Variants in ADGRB3 observed in about 807,000 individuals in gnomAD.
The protein encoded by ADGRB3 is adhesion G protein-coupled receptor B3.
In ADGRB3, 37 loss-of-function variants were observed where a neutral mutation model predicts 193.4. The ratio of observed to expected loss-of-function variants is 0.19; its 90% confidence interval spans 0.15 to 0.25. The LOEUF is 0.25. Among genes scored for constraint, ADGRB3 ranks in the 10% least tolerant of loss-of-function variants. ADGRB3 has a pLI of 1.00. For missense variants in ADGRB3, 1,637 were observed against 1,852.9 expected (o/e 0.88, Z 2.14); for synonymous variants, 690 against 644.2 (o/e 1.07, Z -1.08).
At chr6:68,744,776 T>C (rs1766050118) in intron 3 of ADGRB3, among the ~76,000 whole-genome samples, 1 of 152,066 alleles carries the variant, frequency 6.6e-6, no homozygotes, top group Non-Finnish European at 1.5e-5. Flanking sequence ...TTAGGAGAAA[T>C]GCCTAATGTA....
intron 8 of ADGRB3, among the ~76,000 whole-genome samples, chr6:68,973,126 GAGGACTATCTTAAACAATTCA>G (rs1768636830): frequency 1.3e-5 from 2 of 152,198 alleles, no homozygotes; most frequent in Admixed American, 1.3e-4. Flanking sequence ...CTCAGAGGGA[GAGGACTATCTTAAACAATTCA>G]AGGTCATGAA....
At chr6:68,789,943 A>G (rs937430491) in intron 3 of ADGRB3, among the ~76,000 whole-genome samples, 8 of 152,176 alleles carry the variant, frequency 5.3e-5, no homozygotes, top group East Asian at 1.9e-4. Flanking sequence ...AGTTGATCGC[A>G]TCGGCTATTG....
At chr6:68,952,306 C>T (rs988100370) in intron 6 of ADGRB3, among the ~76,000 whole-genome samples, 5 of 151,868 alleles carry the variant, frequency 3.3e-5, no homozygotes, top group Admixed American at 6.6e-5. Flanking sequence ...ATATTTGACA[C>T]TAAAAATTAT....
intron 20 of ADGRB3, among the ~76,000 whole-genome samples, chr6:69,256,183 C>T (rs951026410): frequency 1.4e-4 from 21 of 151,056 alleles, no homozygotes; most frequent in Non-Finnish European, 2.4e-4. Context: ...CTTGGCGATG[C>T]GGGCTCTTTT....
At chr6:68,913,251 C>A (rs1450238308) in intron 3 of ADGRB3, among the ~76,000 whole-genome samples, 1 of 152,168 alleles carries the variant, frequency 6.6e-6, no homozygotes, top group East Asian at 1.9e-4. Flanking sequence ...TCAAGTGGGT[C>A]CCTGACCCCT....
intron 3 of ADGRB3, among the ~76,000 whole-genome samples, chr6:68,829,807 A>G (rs1258402934): frequency 2.6e-5 from 4 of 152,158 alleles, no homozygotes; most frequent in African/African-American, 4.8e-5. Context: ...TAAAATGACT[A>G]TCATGTAACA....
intron 17 of ADGRB3, among the ~76,000 whole-genome samples, chr6:69,139,558 A>G (rs141296640): frequency 6.6e-6 from 1 of 152,340 alleles, no homozygotes; most frequent in African/African-American, 2.4e-5. Context: ...AAACTTATAT[A>G]TAGAAAATGC....
In ADGRB3 at chr6:68,993,800, G is replaced by A. The variant is rs767814746; in HGVS notation, c.1767G>A (p.Met589Ile). ...IKEHLAKGQR[M>I]LAGDGMSQVT... ...AGCACCTTGCTAAGGGGCAGCGAATGCTGGCAGGTGATGGAATGTCCCAGG... is the reference window on the plus strand; with the variant it reads ...AGCACCTTGCTAAGGGGCAGCGAATACTGGCAGGTGATGGAATGTCCCAGG... Residue 589 changes from methionine (M) to isoleucine (I), a missense_variant, in exon 11 of 32, where the codon ATG becomes ATA. This residue lies in a region of ADGRB3 where 641 missense variants were observed against 673.9 expected (regional missense o/e 0.95). Transcript: ENST00000370598. The A allele has an allele frequency of 2.5e-6, 4 of 1,613,912 alleles. No individual in the cohort carries two copies. Among genetic ancestry groups the A allele is most frequent in the African/African-American group, 1.3e-5 (1 of 75,030 alleles).
chr6:68,936,226 A>T (rs1035007102), intron 4 of ADGRB3, among the ~76,000 whole-genome samples: 4 of 152,206 alleles, frequency 2.6e-5, no homozygotes, highest in Non-Finnish European at 4.4e-5. Flanking sequence ...CACCTCAACA[A>T]ATAGTCACAT....
In ADGRB3 at chr6:68,693,548, G is replaced by A. The variant is rs78357935; in HGVS notation, c.757+54116G>A. ...GTTTTAAAGGTAAGTGTGAGCTTAA[G>A]AAAGAAAATGATAGTGGGAAAATTG... On this transcript the variant is annotated intron_variant, in intron 3 of 31. Transcript: ENST00000370598. Among the ~76,000 whole-genome samples the A allele has an allele frequency of 2.7e-3, 409 of 152,086 alleles. 1 individual carries two copies. Among genetic ancestry groups the A allele is most frequent in the African/African-American group, 9.5e-3 (395 of 41,556 alleles).
chr6:68,765,468 C>T (rs1426064754), intron 3 of ADGRB3, among the ~76,000 whole-genome samples: 5 of 151,120 alleles, frequency 3.3e-5, no homozygotes, highest in African/African-American at 1.2e-4. Flanking sequence ...GATGAAATTA[C>T]ATTGGTAGAT....
intron 3 of ADGRB3, among the ~76,000 whole-genome samples, chr6:68,764,746 A>G (rs999125901): frequency 1.3e-5 from 2 of 152,076 alleles, no homozygotes; most frequent in African/African-American, 4.8e-5. Context: ...TTTAATTTTC[A>G]TCAGGATTGT....
chr6:69,222,074 T>C (rs1003001588), intron 17 of ADGRB3, among the ~76,000 whole-genome samples: 1 of 152,164 alleles, frequency 6.6e-6, no homozygotes, highest in African/African-American at 2.4e-5. Context: ...TTCTCTTAAA[T>C]TTGAGTCTTC....
rs573508199 is a variant in ADGRB3 at position 68,646,655 on chromosome 6, G to A, written c.757+7223G>A. On this transcript the variant is annotated intron_variant, in intron 3 of 31. Coordinates refer to ENST00000370598, the MANE Select transcript of ADGRB3 (RefSeq NM_001704.3). ...TAAAACTTGTGTATACAGGACTGGA[G>A]AACATTTTATTTTATTTTTTGTTTT... Among the ~76,000 whole-genome samples the A allele has an allele frequency of 2.6e-5, 4 of 152,134 alleles. No homozygotes were observed. In the East Asian group the frequency reaches 7.7e-4, roughly 29 times the overall value.
intron 17 of ADGRB3, among the ~76,000 whole-genome samples, chr6:69,194,814 G>A (rs1361453424): frequency 6.6e-6 from 1 of 152,064 alleles, no homozygotes; most frequent in African/African-American, 2.4e-5. Context: ...TGTGACCTTA[G>A]GTACTTAGCA....
chr6:68,976,630 A>G (rs965217775), intron 10 of ADGRB3, among the ~76,000 whole-genome samples: 4 of 152,216 alleles, frequency 2.6e-5, no homozygotes, highest in African/African-American at 9.6e-5. Context: ...ACAATAAAGT[A>G]AGCTAGAGAA....
At chr6:69,213,077 G>T (rs1372759154) in intron 17 of ADGRB3, among the ~76,000 whole-genome samples, 1 of 152,086 alleles carries the variant, frequency 6.6e-6, no homozygotes, top group Non-Finnish European at 1.5e-5. Context: ...ATTTTATAAA[G>T]ACATCACTTT....
At chr6:68,959,630 A>G (rs1768177380) in intron 8 of ADGRB3, among the ~76,000 whole-genome samples, 1 of 152,154 alleles carries the variant, frequency 6.6e-6, no homozygotes, top group Non-Finnish European at 1.5e-5. Context: ...AAAATGAAAA[A>G]TAAAACTATT....
At chr6:68,734,029 T>C (rs1332405673) in intron 3 of ADGRB3, among the ~76,000 whole-genome samples, 1 of 151,856 alleles carries the variant, frequency 6.6e-6, no homozygotes, top group African/African-American at 2.4e-5. Context: ...ATAAAATATA[T>C]TGAAAGAACA....
Sources: allele counts gnomAD v4.1 joint callset (sites outside exome capture counted in the v4.1 genomes callset), GRCh38; gene constraint gnomAD v4.1.1; regional missense constraint gnomAD v4.1.1; transcripts MANE v1.5; gene names NCBI Gene and HGNC (gene_info 2026-07-23, HGNC 2026-07-21).